JAZF1: variants seen among roughly 807,000 people sequenced by gnomAD.
JAZF1 encodes the protein juxtaposed with another zinc finger protein 1.
A neutral mutation model predicts 26.4 loss-of-function variants in JAZF1; 8 were observed. The observed-to-expected ratio is 0.30, with a 90% confidence interval of 0.18 to 0.55. The LOEUF is 0.55. Ranked by LOEUF, JAZF1 falls within the 20% of genes least tolerant of loss-of-function variation. JAZF1 has a pLI of 0.94. For missense variants in JAZF1, 199 were observed against 322.0 expected (o/e 0.62, Z 2.92); for synonymous variants, 126 against 122.3 (o/e 1.03, Z -0.20).
At chr7:27,914,617 C>G in intron 2 of JAZF1, 1 of 394,034 alleles carries the variant, frequency 2.5e-6, no homozygotes, top group Non-Finnish European at 5.3e-6. Flanking sequence ...AATGGAAACT[C>G]CTGCTCACCA....
At chr7:28,049,521 A>C (rs1783575505) in intron 1 of JAZF1, among the ~76,000 whole-genome samples, 1 of 152,258 alleles carries the variant, frequency 6.6e-6, no homozygotes, top group African/African-American at 2.4e-5. Context: ...ATTCAATTCA[A>C]TTATGACACT....
At chr7:27,940,129 G>C (rs1409820998) in intron 2 of JAZF1, among the ~76,000 whole-genome samples, 1 of 152,212 alleles carries the variant, frequency 6.6e-6, no homozygotes, top group African/African-American at 2.4e-5. Flanking sequence ...TCCCTACAGA[G>C]TGCTGCGCCA....
At chr7:28,092,072 A>T (rs1364745007) in intron 1 of JAZF1, among the ~76,000 whole-genome samples, 1 of 152,030 alleles carries the variant, frequency 6.6e-6, no homozygotes, top group Non-Finnish European at 1.5e-5. Flanking sequence ...CTTTCCTCTC[A>T]TTGAGGGTAT....
chr7:27,861,787 G>A (rs1313350007), intron 3 of JAZF1, among the ~76,000 whole-genome samples: 1 of 152,094 alleles, frequency 6.6e-6, no homozygotes, highest in Non-Finnish European at 1.5e-5. Context: ...TGCATAGGTG[G>A]GTCTATCAAA....
At chr7:28,033,132 C>A (rs1783221671) in intron 1 of JAZF1, among the ~76,000 whole-genome samples, 3 of 152,026 alleles carry the variant, frequency 2.0e-5, no homozygotes. Context: ...CCATATCTAC[C>A]CCTAGAACAA....
At chr7:27,872,132 C>T (rs1783593809) in intron 3 of JAZF1, among the ~76,000 whole-genome samples, 1 of 152,154 alleles carries the variant, frequency 6.6e-6, no homozygotes, top group Non-Finnish European at 1.5e-5. Context: ...CAGAAAAAGG[C>T]CTTTCAATAA....
intron 1 of JAZF1, among the ~76,000 whole-genome samples, chr7:28,063,565 T>A (rs1263414340): frequency 6.6e-6 from 1 of 152,210 alleles, no homozygotes; most frequent in East Asian, 1.9e-4. Context: ...CCCATATAAT[T>A]CAGTGGAAAA....
chr7:27,895,096 A>C (rs1382501898), intron 3 of JAZF1, 124 bp downstream of exon 3: 1 of 494,900 alleles, frequency 2.0e-6, no homozygotes, highest in Non-Finnish European at 3.5e-6. Flanking sequence ...TAGTGAAAGG[A>C]TCAACGATGT....
chr7:28,087,056 C>G (rs1445296078), intron 1 of JAZF1, among the ~76,000 whole-genome samples: 2 of 152,054 alleles, frequency 1.3e-5, no homozygotes, highest in Non-Finnish European at 2.9e-5. Flanking sequence ...ACATTTTTAA[C>G]GTTATAAACA....
intron 1 of JAZF1, among the ~76,000 whole-genome samples, chr7:28,062,249 C>CA: frequency 6.6e-6 from 1 of 152,258 alleles, no homozygotes; most frequent in Non-Finnish European, 1.5e-5. Context: ...CTTCCTTACT[C>CA]AAAGCCTAAG....
intron 2 of JAZF1, among the ~76,000 whole-genome samples, chr7:27,904,458 G>GC (rs1294500427): frequency 6.6e-6 from 1 of 152,166 alleles, no homozygotes; most frequent in African/African-American, 2.4e-5. Flanking sequence ...TAATAGAATG[G>GC]CCTTTTTTGG....
At chr7:28,163,210 T>C (rs1217145900) in intron 1 of JAZF1, among the ~76,000 whole-genome samples, 1 of 152,104 alleles carries the variant, frequency 6.6e-6, no homozygotes, top group African/African-American at 2.4e-5. Flanking sequence ...CATGGAAAAA[T>C]CATACCTTAG....
At chr7:28,103,877 A>G (rs544256007) in intron 1 of JAZF1, among the ~76,000 whole-genome samples, 6 of 152,156 alleles carry the variant, frequency 3.9e-5, no homozygotes, top group Admixed American at 2.0e-4. Context: ...CTATGAAAGC[A>G]CCCATTCATC....
chr7:28,112,536 CA>C (rs1784678863), intron 1 of JAZF1, among the ~76,000 whole-genome samples: 1 of 151,840 alleles, frequency 6.6e-6, no homozygotes, highest in Non-Finnish European at 1.5e-5. Flanking sequence ...ATTTTTAAAT[CA>C]TGTGACAAAA....
At chr7:27,920,916 C>T (rs1195921824) in intron 2 of JAZF1, among the ~76,000 whole-genome samples, 2 of 152,068 alleles carry the variant, frequency 1.3e-5, no homozygotes, top group Non-Finnish European at 2.9e-5. Context: ...CTCACCTGCC[C>T]GTTTTAAATT....
At chr7:28,126,668 A>G (rs942647340) in intron 1 of JAZF1, among the ~76,000 whole-genome samples, 3 of 152,212 alleles carry the variant, frequency 2.0e-5, no homozygotes, top group Admixed American at 6.5e-5. Flanking sequence ...ATCTTCCAAC[A>G]AGACTGTACT....
intron 3 of JAZF1, among the ~76,000 whole-genome samples, chr7:27,891,390 C>G (rs1234866803): frequency 6.6e-6 from 1 of 151,976 alleles, no homozygotes; most frequent in Non-Finnish European, 1.5e-5. Context: ...CTATATGGAC[C>G]TTTATAGAAA....
chr7:28,020,102 C>T (rs2128372592), intron 1 of JAZF1, among the ~76,000 whole-genome samples: 1 of 152,188 alleles, frequency 6.6e-6, no homozygotes, highest in Admixed American at 6.5e-5. Context: ...ATAGGTTAAG[C>T]TTTTACCAAA....
chr7:27,835,912 A>C (rs971995722), intron 4 of JAZF1, among the ~76,000 whole-genome samples: 7 of 152,360 alleles, frequency 4.6e-5, no homozygotes, highest in Non-Finnish European at 5.9e-5. Flanking sequence ...AAGCTTCAAA[A>C]GGGCAAGGAA....
Sources: allele counts gnomAD v4.1 joint callset (sites outside exome capture counted in the v4.1 genomes callset), GRCh38; gene constraint gnomAD v4.1.1; transcripts MANE v1.5; gene names NCBI Gene and HGNC (gene_info 2026-07-23, HGNC 2026-07-21).